XPNPEP3: variants seen among roughly 807,000 people sequenced by gnomAD.
XPNPEP3 encodes the protein X-prolyl aminopeptidase 3, also known as xaa-Pro aminopeptidase 3.
Under a neutral mutation model 60.0 loss-of-function variants are expected in XPNPEP3, and 41 were observed. The observed-to-expected ratio is 0.68, with a 90% confidence interval of 0.53 to 0.89. The LOEUF is 0.89. Ranked by LOEUF, XPNPEP3 falls within the 40% of genes least tolerant of loss-of-function variation. XPNPEP3 has a pLI of 0.00. For missense variants in XPNPEP3, 598 were observed against 638.9 expected, an observed-to-expected ratio of 0.94 and a Z score of 0.69; for synonymous variants, 212 against 223.2, an observed-to-expected ratio of 0.95 and a Z score of 0.45.
In XPNPEP3 at chr22:40,882,157, ATCT is replaced by A. The variant is rs753290232; in HGVS notation, c.573_575del (p.Leu192del). On this transcript the variant is annotated inframe_deletion, in exon 3 of 10. Coordinates refer to ENST00000357137, the MANE Select transcript of XPNPEP3 (RefSeq NM_022098.4). ...GCCTATACGCTAGAAGAATTTCAAC[ATCT>A]TCTACCAAAAATGAAAGGTAACAAA... The A allele has an allele frequency of 1.9e-6, 3 of 1,614,182 alleles. No homozygotes were observed. The highest frequency in any genetic ancestry group is 2.2e-5 in the South Asian group (2 of 91,086).
At chr22:40,881,072 G>T (rs961191384) in intron 2 of XPNPEP3, among the ~76,000 whole-genome samples, 1 of 152,046 alleles carries the variant, frequency 6.6e-6, no homozygotes, top group Non-Finnish European at 1.5e-5. Flanking sequence ...TTGAGATGGA[G>T]TCTTGCTTTG....
At chr22:40,890,356 T>C (rs1039477972) in intron 4 of XPNPEP3, among the ~76,000 whole-genome samples, 3 of 152,006 alleles carry the variant, frequency 2.0e-5, no homozygotes, top group Admixed American at 6.6e-5. Context: ...AAGACTAGCC[T>C]GGGCAACATG....
At chr22:40,917,587 A>T (rs2058200665) in intron 7 of XPNPEP3, among the ~76,000 whole-genome samples, 1 of 152,094 alleles carries the variant, frequency 6.6e-6, no homozygotes, top group African/African-American at 2.4e-5. Flanking sequence ...AGTGAATTAT[A>T]TATCAATAAA....
intron 2 of XPNPEP3, among the ~76,000 whole-genome samples, chr22:40,870,886 G>A (rs375924315): frequency 3.9e-5 from 6 of 151,912 alleles, no homozygotes; most frequent in Admixed American, 1.3e-4. Context: ...AAAATTAGCC[G>A]GGTGTGGTGG....
intron 6 of XPNPEP3, among the ~76,000 whole-genome samples, chr22:40,910,106 A>G (rs2058171804): frequency 6.6e-6 from 1 of 151,736 alleles, no homozygotes; most frequent in Non-Finnish European, 1.5e-5. Flanking sequence ...TATAGCAAAC[A>G]TGTAAATTAT....
intron 5 of XPNPEP3, among the ~76,000 whole-genome samples, chr22:40,908,077 G>A (rs1044867838): frequency 6.6e-6 from 1 of 151,944 alleles, no homozygotes. Flanking sequence ...AGCTGAGTGT[G>A]GTAACGTATG....
At chr22:40,870,955 G>A (rs2058002506) in intron 2 of XPNPEP3, among the ~76,000 whole-genome samples, 1 of 152,098 alleles carries the variant, frequency 6.6e-6, no homozygotes, top group African/African-American at 2.4e-5. Flanking sequence ...CCTGAATCTG[G>A]GAGGCGGAGG....
chr22:40,893,027 G>C (rs946885843), intron 4 of XPNPEP3, among the ~76,000 whole-genome samples: 3 of 150,002 alleles, frequency 2.0e-5, no homozygotes, highest in Non-Finnish European at 4.4e-5. Context: ...TTATGTGTTA[G>C]ATTATTATCC....
chr22:40,920,985 T>C (rs1157472486), intron 7 of XPNPEP3, among the ~76,000 whole-genome samples: 2 of 152,182 alleles, frequency 1.3e-5, no homozygotes, highest in Non-Finnish European at 2.9e-5. Context: ...AGAGATGGGA[T>C]TTCTCCATGT....
At chr22:40,872,967 T>A (rs2058012290) in intron 2 of XPNPEP3, among the ~76,000 whole-genome samples, 2 of 152,018 alleles carry the variant, frequency 1.3e-5, no homozygotes, top group Admixed American at 1.3e-4. Context: ...TTAAAATTAG[T>A]TTTAGAATAT....
chr22:40,891,183 A>G (rs2058086931), intron 4 of XPNPEP3, among the ~76,000 whole-genome samples: 1 of 149,814 alleles, frequency 6.7e-6, no homozygotes, highest in Admixed American at 6.7e-5. Flanking sequence ...TTTCTACAAA[A>G]AAAAAAAAAA....
rs946486192 is a variant in XPNPEP3 at position 40,924,602 on chromosome 22, C to T, written c.1357+120C>T. The T allele has an allele frequency of 1.4e-5, 19 of 1,388,766 alleles. No homozygotes were observed. The East Asian group carries it at 4.8e-4, about 35-fold the overall frequency. 86.0% of individuals were successfully genotyped at this position (1,388,766 alleles called of 1,614,324 possible). On this transcript the variant is annotated intron_variant, in intron 9 of 9. Transcript: ENST00000357137. ...GAAGTGGTGTGATCTTCACTCACTG[C>T]AACCTCCGCCCCCCAGGTTCAGCAA... is the stretch of plus-strand genomic sequence containing the variant.
chr22:40,860,774 C>T, intron 1 of XPNPEP3: 1 of 700,926 alleles, frequency 1.4e-6, no homozygotes, highest in Non-Finnish European at 2.3e-6. Context: ...TACCAGCTTC[C>T]CGAGTAGCTG....
chr22:40,929,818 C>G lies in XPNPEP3; in HGVS notation c.*3383C>G, dbSNP rs1056846616. 1 of 152,110 alleles carries G rather than the reference C, an allele frequency of 6.6e-6. No homozygotes were observed. The highest frequency in any genetic ancestry group is 6.6e-5 in the Admixed American group (1 of 15,260). 9.4% of individuals were successfully genotyped at this position (152,110 alleles called of 1,614,324 possible). Reference sequence around the variant, plus strand: ...TGATCTTACTCATTCTCAGCCATGCCGCAGACATACCCATTTCCCTTTAGT... The same window carrying G: ...TGATCTTACTCATTCTCAGCCATGCGGCAGACATACCCATTTCCCTTTAGT... On this transcript the variant is annotated 3_prime_UTR_variant, in exon 10 of 10. Coordinates refer to ENST00000357137, the MANE Select transcript of XPNPEP3 (RefSeq NM_022098.4).
chr22:40,909,171 C>G lies in XPNPEP3; in HGVS notation c.905C>G (p.Pro302Arg), dbSNP rs1344413999. ...GGCGCAGACATTTTAGCCTATCCAC[C>G]TGTGGTGGCTGGTGGTAATCGGTCA... Reference protein sequence around the residue: ...ARGADILAYPPVVAGGNRSNT... With the variant: ...ARGADILAYPRVVAGGNRSNT... Residue 302 changes from proline to arginine, a missense_variant, in exon 6 of 10, where the codon CCT becomes CGT. Coordinates refer to ENST00000357137, the MANE Select transcript of XPNPEP3 (RefSeq NM_022098.4). 2 of 1,614,174 alleles carry G rather than the reference C, an allele frequency of 1.2e-6. No homozygotes were observed. The highest frequency in any genetic ancestry group is 1.7e-6 in the Non-Finnish European group (2 of 1,180,028).
chr22:40,886,296 C>T lies in XPNPEP3; in HGVS notation c.590-17C>T, dbSNP rs368217857. 1.5e-5 allele frequency: 24 copies of T among 1,612,196 alleles called. No homozygotes were observed. The highest frequency in any genetic ancestry group is 1.3e-4 in the African/African-American group (10 of 74,826). On this transcript the variant is annotated splice_polypyrimidine_tract_variant and intron_variant, in intron 3 of 9. Coordinates refer to ENST00000357137, the MANE Select transcript of XPNPEP3 (RefSeq NM_022098.4). ...GTAGTTTTGTTTTAAATTTATTTTTCGGCTTCTCATTCTAAGCTGAGACGA... is the reference window on the plus strand; with the variant it reads ...GTAGTTTTGTTTTAAATTTATTTTTTGGCTTCTCATTCTAAGCTGAGACGA...
At chr22:40,862,917 G>C (rs2145768946) in intron 1 of XPNPEP3, 1 of 238,808 alleles carries the variant, frequency 4.2e-6, no homozygotes, top group African/African-American at 2.3e-5. Context: ...AATAATTTAA[G>C]ATAATGCGAT....
In XPNPEP3 at chr22:40,931,128, TGAGCCACCGTGCCCAGCC is replaced by T. The variant is rs1250049282; in HGVS notation, c.*4699_*4716del. ...TCCCAAAGTGCTGGGATTACAGGTGTGAGCCACCGTGCCCAGCCGAGCCTTTAGTTCTAAGTATAATAA... is the reference window on the plus strand; with the variant it reads ...TCCCAAAGTGCTGGGATTACAGGTGTGAGCCTTTAGTTCTAAGTATAATAA... On this transcript the variant is annotated 3_prime_UTR_variant, in exon 10 of 10. Transcript: ENST00000357137. 1.3e-5 allele frequency: 2 copies of T among 152,228 alleles called. No homozygotes were observed. Among genetic ancestry groups the T allele is most frequent in the Non-Finnish European group, 2.9e-5 (2 of 68,098 alleles). The allele number at this position is 152,228 out of a possible 1,614,324, so 9.4% of individuals were successfully genotyped here. A position where few individuals can be genotyped will look rare whatever the true frequency, so the allele number is the denominator to read the frequency against.
chr22:40,917,412 T>TA (rs897862941), intron 7 of XPNPEP3: 1 of 151,268 alleles, frequency 6.6e-6, no homozygotes, highest in Non-Finnish European at 1.5e-5. Context: ...TTAAAATTTT[T>TA]AAAAAACACA....
Sources: gnomAD v4.1 joint callset for allele counts (sites outside exome capture counted in the v4.1 genomes callset) on GRCh38, gnomAD v4.1.1 for gene constraint, MANE v1.5 for transcripts, NCBI Gene and HGNC (gene_info 2026-07-23, HGNC 2026-07-21) for gene names.